The following ITIH6 variants were observed in gnomAD, a reference collection of about 807,000 sequenced individuals.
The protein encoded by ITIH6 is inter-alpha-trypsin inhibitor heavy chain family member 6.
ITIH6 carries 60 observed loss-of-function variants against 58.2 expected under a neutral mutation model. The observed-to-expected ratio is 1.03, with a 90% confidence interval of 0.84 to 1.28. ITIH6 has a LOEUF of 1.28. Among genes scored for constraint, ITIH6 ranks in the 50% most tolerant of loss-of-function variants. The pLI is 0.00. For missense variants in ITIH6, 1,290 were observed against 1,021.1 expected (o/e 1.26, Z -3.59); for synonymous variants, 493 against 417.4 (o/e 1.18, Z -2.21).
intron 12 of ITIH6, 82 bp downstream of exon 12, chrX:54,750,921 G>C: frequency 1.0e-6 from 1 of 972,417 alleles, no homozygotes; most frequent in Non-Finnish European, 1.4e-6. Flanking sequence ...TTCCTTGTTG[G>C]GGATATACAT....
At chrX:54,778,214 T>TTG (rs1411429509) in intron 5 of ITIH6, among the ~76,000 whole-genome samples, 24 of 106,522 alleles carry the variant, frequency 2.3e-4, no homozygotes, top group African/African-American at 8.4e-4. Context: ...TTTTTTTTTT[T>TTG]GACAGAGTCT....
rs1310754549 is a variant in ITIH6, at chrX:54,767,697, G to A, written c.903+6384C>T. 1.6e-4 allele frequency among the ~76,000 whole-genome samples: 16 copies of A among 103,047 alleles called. 1 individual carries two copies. Among genetic ancestry groups the A allele is most frequent in the Non-Finnish European group, 2.1e-4 (11 of 51,520 alleles). The allele number at this position is 103,047 out of a possible 115,157, so 89.5% of individuals were successfully genotyped here. On this transcript the variant is annotated intron_variant, in intron 6 of 12. Transcript: ENST00000218436. ...TTGTTCAGTTTCCATGTAGTTGAGC[G>A]GCTTTGAGTGAGATTCTTAATCCTG...
At chrX:54,768,545 A>G (rs866189396) in intron 6 of ITIH6, among the ~76,000 whole-genome samples, 4,625 of 102,054 alleles carry the variant, frequency 0.045, 403 homozygotes, top group African/African-American at 0.17. Context: ...GTTCCTTTCC[A>G]TGTTTAGTGC....
At chrX:54,790,769 T>C in intron 4 of ITIH6, 68 bp downstream of exon 4, 1 of 1,172,013 alleles carries the variant, frequency 8.5e-7, no homozygotes, top group Non-Finnish European at 1.2e-6. Context: ...GGAAACCCAG[T>C]GGAATCGATA....
chrX:54,774,982 T>C (rs1432829235), intron 5 of ITIH6, among the ~76,000 whole-genome samples: 5 of 111,906 alleles, frequency 4.5e-5, no homozygotes, highest in Non-Finnish European at 7.5e-5. Context: ...CACAGGCTTT[T>C]GCTCCTCTCT....
intron 6 of ITIH6, among the ~76,000 whole-genome samples, chrX:54,770,112 G>T (rs1486304642): frequency 2.7e-5 from 3 of 111,932 alleles, no homozygotes; most frequent in Admixed American, 9.4e-5. Flanking sequence ...TCTGAAAAGC[G>T]CAATATTCGG....
In ITIH6 at chrX:54,761,128, T is replaced by C. The variant is rs766245863; in HGVS notation, c.904-1201A>G. 8.0e-5 allele frequency among the ~76,000 whole-genome samples: 9 copies of C among 112,170 alleles called. No homozygotes were observed. In the South Asian group the frequency reaches 3.0e-3, roughly 37 times the overall value. On this transcript the variant is annotated intron_variant, in intron 6 of 12. Transcript: ENST00000218436. ...TTTCCTGACTTTTTAATGATTGCCA[T>C]TTTAACTGGTGTGAGATGGTATCTC...
At chrX:54,779,017 G>T (rs1227115310) in intron 5 of ITIH6, among the ~76,000 whole-genome samples, 1 of 112,161 alleles carries the variant, frequency 8.9e-6, no homozygotes, top group Non-Finnish European at 1.9e-5. Context: ...TTTTACCCTA[G>T]AATAGTATAT....
rs2147601872 is a variant in ITIH6, at chrX:54,757,797, T to A, written c.2277A>T (p.Gln759His). The change falls in exon 8 of 13, where the codon CAA becomes CAT. Residue 759 changes from glutamine to histidine, a missense_variant. By Grantham distance (24) the Gln-to-His change is conservative (BLOSUM62 0). Coordinates refer to ENST00000218436, the MANE Select transcript of ITIH6 (RefSeq NM_198510.3). Reference sequence around the variant, plus strand: ...GGATGCCAGGTTTCACAGGTGGGACTTGTGTCCTGGAGTTCGTGGGTAATA... The same window carrying A: ...GGATGCCAGGTTTCACAGGTGGGACATGTGTCCTGGAGTTCGTGGGTAATA... ...PDILPTNSRT[Q>H]VPPVKPGIPA... is the part of the protein sequence containing the mutation. The A allele has an allele frequency of 8.3e-7, 1 of 1,209,283 alleles. No individual in the cohort carries two copies. The highest frequency in any genetic ancestry group is 3.0e-5 in the East Asian group (1 of 33,724).
Position 54,749,691 on chromosome X carries a change from T to C in ITIH6, c.*204A>G. On this transcript the variant is annotated 3_prime_UTR_variant, in exon 13 of 13. Transcript: ENST00000218436. ...GTGAGACTGGAGATGTGAAGGACCA[T>C]GAAGATGCAGGAGTCCCTGACTCTA... The C allele has an allele frequency of 5.2e-6, 2 of 381,822 alleles. No individual in the cohort carries two copies. Among genetic ancestry groups the C allele is most frequent in the Non-Finnish European group, 9.2e-6 (2 of 217,304 alleles). 31.5% of individuals were successfully genotyped at this position (381,822 alleles called of 1,213,427 possible).
intron 11 of ITIH6, 138 bp from the exon 12 acceptor site, chrX:54,751,518 T>A: frequency 1.4e-6 from 1 of 705,020 alleles, no homozygotes; most frequent in Non-Finnish European, 2.1e-6. Context: ...TCTACCATGG[T>A]CCACCTGGCT....
At chrX:54,795,740 T>C (rs1351226781) in intron 2 of ITIH6, among the ~76,000 whole-genome samples, 3 of 111,759 alleles carry the variant, frequency 2.7e-5, no homozygotes, top group Non-Finnish European at 5.6e-5. Context: ...CTCTCTGAGG[T>C]TTTCTCCACC....
intron 5 of ITIH6, among the ~76,000 whole-genome samples, chrX:54,776,400 G>A (rs1379320278): frequency 9.1e-6 from 1 of 110,416 alleles, no homozygotes; most frequent in Non-Finnish European, 1.9e-5. Flanking sequence ...GGGGCCTAGT[G>A]CTGAACTGGG....
chrX:54,762,749 G>A (rs1343850230), intron 6 of ITIH6, among the ~76,000 whole-genome samples: 1 of 111,844 alleles, frequency 8.9e-6, no homozygotes, highest in Non-Finnish European at 1.9e-5. Flanking sequence ...TGAACCCTTT[G>A]AGAGAAGGGC....
In ITIH6 at chrX:54,775,898, C is replaced by T. The variant is rs770431908; in HGVS notation, c.787-1701G>A. Among the ~76,000 whole-genome samples, 47 of 112,000 alleles carry T rather than the reference C, an allele frequency of 4.2e-4. 1 individual carries two copies. The highest frequency in any genetic ancestry group is 1.3e-3 in the Admixed American group (14 of 10,633). On this transcript the variant is annotated intron_variant, in intron 5 of 12. Transcript: ENST00000218436. Reference sequence around the variant, plus strand: ...ATGGTGGAATAAAAGCTCCACTGATCGTCATCCCCCTAGGAAGGACACCAA... The same window carrying T: ...ATGGTGGAATAAAAGCTCCACTGATTGTCATCCCCCTAGGAAGGACACCAA...
At chrX:54,791,224 C>T (rs1268441071) in intron 3 of ITIH6, 140 bp from the exon 4 acceptor site, 1 of 548,432 alleles carries the variant, frequency 1.8e-6, no homozygotes, top group Non-Finnish European at 2.9e-6. Flanking sequence ...GAGTCACTGG[C>T]TCATGGTCCG....
intron 6 of ITIH6, among the ~76,000 whole-genome samples, chrX:54,762,671 G>A (rs1021749963): frequency 8.9e-6 from 1 of 112,043 alleles, no homozygotes; most frequent in Non-Finnish European, 1.9e-5. Context: ...TTCTCACTTA[G>A]ATATTCCCTG....
chrX:54,767,876 G>A (rs1477329892), intron 6 of ITIH6, among the ~76,000 whole-genome samples: 1 of 66,804 alleles, frequency 1.5e-5, no homozygotes, highest in Non-Finnish European at 2.6e-5. Flanking sequence ...TGTTGATTTG[G>A]GGTGGAGAGT....
Position 54,761,448 on chromosome X carries a change from C to T in ITIH6, c.904-1521G>A, listed in dbSNP as rs755802220. Among the ~76,000 whole-genome samples the T allele has an allele frequency of 4.5e-5, 5 of 110,881 alleles. No individual in the cohort carries two copies. In the Admixed American group the frequency reaches 4.8e-4, roughly 11 times the overall value. The stretch of plus-strand genomic sequence containing the variant: ...CAGAAGCTCTTTAGTTTAATTAGAT[C>T]CCATTTGTCAATTTTGGCTTTTGCT... On this transcript the variant is annotated intron_variant, in intron 6 of 12. Coordinates refer to ENST00000218436, the MANE Select transcript of ITIH6 (RefSeq NM_198510.3).
Sources: gnomAD v4.1 joint callset for allele counts (sites outside exome capture counted in the v4.1 genomes callset) on GRCh38, gnomAD v4.1.1 for gene constraint, MANE v1.5 for transcripts, NCBI Gene and HGNC (gene_info 2026-07-23, HGNC 2026-07-21) for gene names.